The following NUP214 variants were observed in gnomAD, a reference collection of about 807,000 sequenced individuals.
NUP214 encodes the protein nuclear pore complex protein Nup214.
Under a neutral mutation model 196.2 loss-of-function variants are expected in NUP214, and 79 were observed. That is an observed-to-expected ratio of 0.40 (90% confidence interval 0.34 to 0.49). The LOEUF (loss-of-function observed/expected upper bound fraction) is 0.49, where lower values mean the gene tolerates loss of function less well. Among genes scored for constraint, NUP214 ranks in the 20% least tolerant of loss-of-function variants. The pLI is 0.58. For missense variants in NUP214, 2,468 were observed against 2,539.0 expected (o/e 0.97, Z 0.60); for synonymous variants, 1,020 against 990.5 (o/e 1.03, Z -0.56).
At chr9:131,140,526 AT>A (rs774540554) in intron 10 of NUP214, 22 bp from the exon 11 acceptor site, 9 of 1,587,570 alleles carry the variant, frequency 5.7e-6, no homozygotes, top group Non-Finnish European at 7.7e-6. Flanking sequence ...TGGTTTTTTT[AT>A]TTTTGTTTTC....
At chr9:131,226,324 GC>G (rs1156335620) in intron 32 of NUP214, among the ~76,000 whole-genome samples, 1 of 152,112 alleles carries the variant, frequency 6.6e-6, no homozygotes, top group African/African-American at 2.4e-5. Context: ...AACCCCTCCT[GC>G]CATCAGGAGA....
Position 131,198,113 on chromosome 9 carries a change from A to C in NUP214, c.4619A>C (p.Glu1540Ala). 6.2e-7 allele frequency: 1 copy of C among 1,614,192 alleles called. No homozygotes were observed. The highest frequency in any genetic ancestry group is 8.5e-7 in the Non-Finnish European group (1 of 1,180,018). ...PPQTSDSVKK[E>A]PVLAQPAVSN... is the part of the protein sequence containing the mutation. ...CAAACTTCTGACTCTGTTAAAAAAG[A>C]ACCTGTTCTTGCCCAGCCTGCAGTC... Residue 1540 changes from glutamate to alanine, a missense_variant, in exon 29 of 36, where the codon GAA becomes GCA. Physicochemically the swap from Glu to Ala is moderately radical, Grantham distance 107. Coordinates refer to ENST00000359428, the MANE Select transcript of NUP214 (RefSeq NM_005085.4).
intron 4 of NUP214, 76 bp downstream of exon 4, chr9:131,129,553 G>A: frequency 2.1e-6 from 3 of 1,420,126 alleles, no homozygotes; most frequent in South Asian, 1.2e-5. Flanking sequence ...AGAAGTGAAA[G>A]TGGATAGCTT....
chr9:131,201,515 A>AGATCCCACCATT (rs1237710545), intron 29 of NUP214, 132 bp from the exon 30 acceptor site: 2 of 651,270 alleles, frequency 3.1e-6, no homozygotes, highest in Admixed American at 5.3e-5. Context: ...CAGTGAGCCA[A>AGATCCCACCATT]GATCCCACCA....
chr9:131,163,730 C>T (rs969209124), intron 19 of NUP214, 140 bp from the exon 20 acceptor site: 5 of 677,376 alleles, frequency 7.4e-6, no homozygotes, highest in Non-Finnish European at 1.3e-5. Context: ...AGATTAATTC[C>T]ATCAGTTGGT....
At chr9:131,180,693 A>G (rs1482716447) in intron 24 of NUP214, among the ~76,000 whole-genome samples, 1 of 152,200 alleles carries the variant, frequency 6.6e-6, no homozygotes, top group Non-Finnish European at 1.5e-5. Context: ...CGCTTGATTC[A>G]GCAGATTCTT....
chr9:131,146,333 C>T lies in NUP214; in HGVS notation c.1945+29C>T. The T allele has an allele frequency of 1.2e-6, 2 of 1,602,128 alleles. No homozygotes were observed. The highest frequency in any genetic ancestry group is 1.7e-6 in the Non-Finnish European group (2 of 1,169,702). ...TGATTTTAAGCAGACAACTTTAGAC[C>T]TCAGCCCTGCCTTCTCAGATTAACG... On this transcript the variant is annotated intron_variant, in intron 13 of 35. Transcript: ENST00000359428. This position sits in a 1 kb window ranked among gnomAD's most constrained non-coding sequence, Gnocchi z 4.6.
chr9:131,219,554 A>G (rs1426940418), intron 31 of NUP214, among the ~76,000 whole-genome samples: 1 of 152,214 alleles, frequency 6.6e-6, no homozygotes, highest in Non-Finnish European at 1.5e-5. Flanking sequence ...GCTTGCAAGA[A>G]GGGCTTCTTC....
Position 131,192,350 on chromosome 9 carries a change from T to TA in NUP214, c.3659+59dup, listed in dbSNP as rs1389470207. Reference sequence around the variant, plus strand: ...ACTAGCAATTAGCTTCCCCAAATCTTACAATTATAGATATATTTATTTACT... The same window carrying TA: ...ACTAGCAATTAGCTTCCCCAAATCTTAACAATTATAGATATATTTATTTACT... On this transcript the variant is annotated intron_variant, in intron 27 of 35. Transcript: ENST00000359428. 4 of 1,004,212 alleles carry TA rather than the reference T, an allele frequency of 4.0e-6. No individual in the cohort carries two copies. The African/African-American group carries it at 6.5e-5, about 16-fold the overall frequency. 62.2% of individuals were successfully genotyped at this position (1,004,212 alleles called of 1,614,324 possible).
chr9:131,233,427 C>A, intron 35 of NUP214, 27 bp from the exon 36 acceptor site: 1 of 1,591,476 alleles, frequency 6.3e-7, no homozygotes, highest in Admixed American at 1.7e-5. Context: ...GCAGCTGACT[C>A]CACCACTGTC....
chr9:131,161,259 C>CTTTTT (rs34588166), intron 18 of NUP214, among the ~76,000 whole-genome samples: 44 of 136,198 alleles, frequency 3.2e-4, no homozygotes, highest in African/African-American at 1.2e-3. Context: ...ATTGAAATGC[C>CTTTTT]TTTTTTTTTT....
chr9:131,144,554 TC>T lies in NUP214; in HGVS notation c.1574del (p.Pro525LeufsTer6), dbSNP rs1210153519. 2.5e-6 allele frequency: 4 copies of T among 1,614,026 alleles called. No individual in the cohort carries two copies. The highest frequency in any genetic ancestry group is 3.4e-6 in the Non-Finnish European group (4 of 1,179,980). On this transcript the variant is annotated frameshift_variant, in exon 12 of 36. Coordinates refer to ENST00000359428, the MANE Select transcript of NUP214 (RefSeq NM_005085.4). LOFTEE classifies it high-confidence loss of function. ...CTGGCCCATCAACCTTCTCTTTTGT[TC>T]CCCCTTCTAAAGCCTCCCTAGCCCC... is the stretch of plus-strand genomic sequence containing the variant. The part of the protein sequence containing the change: ...GPGPSTFSFV[P>X]PSKASLAPTP...
chr9:131,155,272 T>G (rs1832399580), intron 17 of NUP214, among the ~76,000 whole-genome samples: 1 of 152,224 alleles, frequency 6.6e-6, no homozygotes, highest in Non-Finnish European at 1.5e-5. Context: ...TGGATGTTTG[T>G]CAACCATTTG....
intron 17 of NUP214, among the ~76,000 whole-genome samples, chr9:131,154,263 G>A (rs994096089): frequency 6.6e-6 from 1 of 152,038 alleles, no homozygotes; most frequent in Admixed American, 6.5e-5. Context: ...GGGGACAAGT[G>A]GTGTTTGGTT....
Position 131,144,585 on chromosome 9 carries a change from C to T in NUP214, c.1600C>T (p.Pro534Ser), listed in dbSNP as rs374644647. 1.2e-6 allele frequency: 2 copies of T among 1,614,068 alleles called. No individual in the cohort carries two copies. The highest frequency in any genetic ancestry group is 1.7e-6 in the Non-Finnish European group (2 of 1,180,042). Residue 534 changes from proline to serine, a missense_variant, in exon 12 of 36, where the codon CCT becomes TCT. By Grantham distance (74) the Pro-to-Ser change is moderately conservative (BLOSUM62 -1). Transcript: ENST00000359428. ...TTCTAAAGCCTCCCTAGCCCCCACC[C>T]CTGCAGCGTCTCCTGTGGCTCCATC... ...PPSKASLAPT[P>S]AASPVAPSAA...
chr9:131,130,632 TGCC>T, intron 4 of NUP214, 131 bp from the exon 5 acceptor site: 1 of 768,528 alleles, frequency 1.3e-6, no homozygotes, highest in Admixed American at 2.6e-5. Flanking sequence ...TTTTCCACTT[TGCC>T]TGATAGAGAT....
rs142169218 is a variant in NUP214 at position 131,130,575 on chromosome 9, G to T, written c.593-191G>T. On this transcript the variant is annotated intron_variant, in intron 4 of 35. Coordinates refer to ENST00000359428, the MANE Select transcript of NUP214 (RefSeq NM_005085.4). ...AGCATTTTTAGCTTTCAATTCAATA[G>T]CCCAGTGATAAATCAATTGGCTTAT... Among the ~76,000 whole-genome samples, 7 of 152,252 alleles carry T rather than the reference G, an allele frequency of 4.6e-5. No individual in the cohort carries two copies. In the East Asian group the frequency reaches 1.3e-3, roughly 29 times the overall value.
intron 27 of NUP214, 131 bp from the exon 28 acceptor site, chr9:131,195,100 CTG>C (rs1046854986): frequency 6.2e-6 from 4 of 645,860 alleles, no homozygotes; most frequent in Non-Finnish European, 1.1e-5. Flanking sequence ...TGCTTTGACT[CTG>C]TTGTCATTTA....
intron 33 of NUP214, chr9:131,228,636 C>T (rs938237658): frequency 7.0e-5 from 18 of 256,066 alleles, no homozygotes; most frequent in African/African-American, 3.6e-4. Flanking sequence ...GCCTTAACTA[C>T]TGCTTTGTAG....
Sources: allele counts gnomAD v4.1 joint callset (sites outside exome capture counted in the v4.1 genomes callset), GRCh38; gene constraint gnomAD v4.1.1; non-coding constraint Gnocchi (gnomAD v3.1); transcripts MANE v1.5; gene names NCBI Gene and HGNC (gene_info 2026-07-23, HGNC 2026-07-21).